The following FRY variants were observed in gnomAD, a reference collection of about 807,000 sequenced individuals.
The protein encoded by FRY is FRY microtubule binding protein.
Under a neutral mutation model 348.4 loss-of-function variants are expected in FRY, and 128 were observed. That is an observed-to-expected ratio of 0.37 (90% CI 0.32 to 0.43). The LOEUF is 0.43. FRY is among the 20% of genes least tolerant of loss of function. The pLI is 1.00. For missense variants in FRY, 2,736 were observed against 3,695.2 expected, an observed-to-expected ratio of 0.74 and a Z score of 6.73; for synonymous variants, 1,370 against 1,374.7, an observed-to-expected ratio of 1.00 and a Z score of 0.08.
intron 2 of FRY, among the ~76,000 whole-genome samples, chr13:32,093,021 T>C (rs1876431777): frequency 6.6e-6 from 1 of 152,204 alleles, no homozygotes; most frequent in Admixed American, 6.5e-5. Context: ...AACGTAAACA[T>C]ATGCAAACAG....
intron 17 of FRY, among the ~76,000 whole-genome samples, chr13:32,170,423 G>T (rs181641768): frequency 6.6e-6 from 1 of 152,186 alleles, no homozygotes; most frequent in East Asian, 1.9e-4. Flanking sequence ...TCAGTGTACC[G>T]TAGTTATATA....
chr13:32,275,186 G>A lies in FRY; in HGVS notation c.8286+195G>A, dbSNP rs1888465996. 5 of 488,538 alleles carry A rather than the reference G, an allele frequency of 1.0e-5. No homozygotes were observed. In the East Asian group the frequency reaches 1.8e-4, roughly 18 times the overall value. 30.3% of individuals were successfully genotyped at this position (488,538 alleles called of 1,614,324 possible). ...AAGGTCAGGAGATCGAGACCATCCT[G>A]GCTAACACGGTGAAACCCCGTATCT... On this transcript the variant is annotated intron_variant, in intron 56 of 60. Transcript: ENST00000542859.
At chr13:32,214,264 T>C (rs1485425964) in intron 35 of FRY, among the ~76,000 whole-genome samples, 2 of 152,176 alleles carry the variant, frequency 1.3e-5, no homozygotes, top group East Asian at 3.9e-4. Flanking sequence ...GATATATGGG[T>C]GCTTACAGAC....
intron 1 of FRY, chr13:32,061,215 T>C (rs1227404783): frequency 3.8e-6 from 2 of 525,394 alleles, no homozygotes; most frequent in Non-Finnish European, 3.9e-6. Context: ...GGTTGTTAAA[T>C]GCTGAGTATG....
chr13:32,172,876 G>C (rs1036773594), intron 18 of FRY, among the ~76,000 whole-genome samples: 3 of 152,222 alleles, frequency 2.0e-5, no homozygotes, highest in African/African-American at 7.2e-5. Context: ...AGATTCACTT[G>C]GTTGGGGATT....
At chr13:32,138,609 A>AGC (rs1879864401) in intron 11 of FRY, among the ~76,000 whole-genome samples, 1 of 152,186 alleles carries the variant, frequency 6.6e-6, no homozygotes, top group Non-Finnish European at 1.5e-5. Context: ...TCCCTGTGCA[A>AGC]ACTTTTCAAG....
In FRY at chr13:32,267,473, C is replaced by G. The variant is rs1593824985; in HGVS notation, c.8136+114C>G. Reference sequence around the variant, plus strand: ...TGGGGTTATACTACTGTATTTTCTCCTCCAGACACCCCTAAATTTCCTCTG... The same window carrying G: ...TGGGGTTATACTACTGTATTTTCTCGTCCAGACACCCCTAAATTTCCTCTG... On this transcript the variant is annotated intron_variant, in intron 55 of 60. Transcript: ENST00000542859. 9 of 872,410 alleles carry G rather than the reference C, an allele frequency of 1.0e-5. No homozygotes were observed. In the East Asian group the frequency reaches 2.3e-4, roughly 22 times the overall value. The allele number at this position is 872,410 out of a possible 1,614,324, so 54.0% of individuals were successfully genotyped here.
chr13:32,269,456 C>T (rs1188885831), intron 55 of FRY, among the ~76,000 whole-genome samples: 2 of 152,100 alleles, frequency 1.3e-5, no homozygotes, highest in African/African-American at 2.4e-5. Flanking sequence ...TTTGGGAGGC[C>T]GAGGTGGGAG....
In FRY at chr13:32,031,814, T is replaced by G; in HGVS notation, c.19T>G (p.Ser7Ala). MASQQDSGFFEISIKYL... is the reference protein window; with the variant it reads MASQQDAGFFEISIKYL... ...CGCAGACATGGCCAGCCAGCAGGAT[T>G]CGGGCTTCTTTGAGATCAGTATCAA... Residue 7 changes from serine to alanine, a missense_variant, in exon 1 of 61, where the codon TCG (serine) becomes GCG (alanine). This residue lies in a region of FRY where 309 missense variants were observed against 418.1 expected (regional missense o/e 0.74). Transcript: ENST00000542859. 1 of 1,607,466 alleles carries G rather than the reference T, an allele frequency of 6.2e-7. No homozygotes were observed. Among genetic ancestry groups the G allele is most frequent in the Non-Finnish European group, 8.5e-7 (1 of 1,175,262 alleles).
chr13:32,249,467 G>T (rs1886965584), intron 48 of FRY, 59 bp from the exon 49 acceptor site: 2 of 1,584,520 alleles, frequency 1.3e-6, no homozygotes. Context: ...TGGGGAGAAG[G>T]GTTTCATATA....
At chr13:32,185,230 C>G (rs145147420) in intron 26 of FRY, 82 bp downstream of exon 26, 31 of 1,225,318 alleles carry the variant, frequency 2.5e-5, no homozygotes, top group South Asian at 3.6e-5. Flanking sequence ...TCGTCTTTAA[C>G]CCTACTGGCC....
intron 41 of FRY, among the ~76,000 whole-genome samples, chr13:32,233,840 C>T (rs1021923496): frequency 6.6e-6 from 1 of 152,174 alleles, no homozygotes; most frequent in Non-Finnish European, 1.5e-5. Context: ...AACAACTGTA[C>T]GAGACAAGTT....
chr13:32,196,576 G>A (rs2138306766), intron 29 of FRY, among the ~76,000 whole-genome samples: 1 of 152,148 alleles, frequency 6.6e-6, no homozygotes, highest in South Asian at 2.1e-4. Context: ...GTGTGAGTGT[G>A]AGAGTGTGTG....
intron 48 of FRY, 66 bp downstream of exon 48, chr13:32,247,568 T>C (rs1178049661): frequency 8.2e-7 from 1 of 1,221,710 alleles, no homozygotes; most frequent in Non-Finnish European, 1.2e-6. Context: ...AGATCAAAAG[T>C]AGTTGCCTGG....
chr13:32,087,398 G>A (rs1489200473), intron 2 of FRY, among the ~76,000 whole-genome samples: 1 of 152,148 alleles, frequency 6.6e-6, no homozygotes, highest in East Asian at 1.9e-4. Flanking sequence ...ATGTTACAAA[G>A]CTGGCATCAG....
At position 32,239,954 on chromosome 13, in the gene FRY, C is replaced by A. The variant is rs1886416437; in HGVS notation, c.6687+73C>A. 2.2e-6 allele frequency: 3 copies of A among 1,335,318 alleles called. No homozygotes were observed. The highest frequency in any genetic ancestry group is 1.9e-5 in the Admixed American group (1 of 53,202). The allele number at this position is 1,335,318 out of a possible 1,614,324, so 82.7% of individuals were successfully genotyped here. A position where few individuals can be genotyped will look rare whatever the true frequency, so the allele number is the denominator to read the frequency against. Reference sequence around the variant, plus strand: ...CCAGGCTGATCTCAACTCTTGGGCTCAAGCAGTCCTCCTGCCTTCGCCTCC... The same window carrying A: ...CCAGGCTGATCTCAACTCTTGGGCTAAAGCAGTCCTCCTGCCTTCGCCTCC... On this transcript the variant is annotated intron_variant, in intron 46 of 60. Coordinates refer to ENST00000542859, the MANE Select transcript of FRY (RefSeq NM_023037.3). The surrounding 1 kb of genome is among the most constrained non-coding windows in gnomAD (Gnocchi z 4.3).
At chr13:32,147,593 A>G (rs204571) in intron 12 of FRY, among the ~76,000 whole-genome samples, 68,306 of 152,020 alleles carry the variant, frequency 0.45, 15,951 homozygotes, top group African/African-American at 0.57. Context: ...AGGATCAACA[A>G]GTTCCACTTC....
chr13:32,215,077 T>A (rs73442692), intron 35 of FRY, among the ~76,000 whole-genome samples: 411 of 152,310 alleles, frequency 2.7e-3, no homozygotes, highest in African/African-American at 9.5e-3. Context: ...GCCAAGCTAA[T>A]GGGAGGGTAA....
intron 1 of FRY, among the ~76,000 whole-genome samples, chr13:32,069,853 T>A (rs1192884512): frequency 3.3e-5 from 5 of 152,132 alleles, no homozygotes; most frequent in African/African-American, 1.2e-4. Flanking sequence ...CCTAATGCTA[T>A]CCCTCCCCCA....
Sources: allele counts gnomAD v4.1 joint callset (sites outside exome capture counted in the v4.1 genomes callset), GRCh38; gene constraint gnomAD v4.1.1; regional missense constraint gnomAD v4.1.1; non-coding constraint Gnocchi (gnomAD v3.1); transcripts MANE v1.5; gene names NCBI Gene and HGNC (gene_info 2026-07-23, HGNC 2026-07-21).